The following MYO1E variants were observed in gnomAD, a reference collection of about 807,000 sequenced individuals.
MYO1E encodes the protein unconventional myosin-Ie.
In MYO1E, 68 loss-of-function variants were observed where a neutral mutation model predicts 151.1. The observed-to-expected ratio is 0.45, with a 90% confidence interval of 0.37 to 0.55. The LOEUF (loss-of-function observed/expected upper bound fraction) is 0.55. Ranked by LOEUF, MYO1E falls within the 20% of genes least tolerant of loss-of-function variation. The pLI is 0.00. For synonymous variants in MYO1E, 601 were observed against 501.7 expected, an observed-to-expected ratio of 1.20 and a Z score of -2.64; for missense variants, 1,363 against 1,389.3, an observed-to-expected ratio of 0.98 and a Z score of 0.30.
At chr15:59,310,999 T>G (rs1194654440) in intron 1 of MYO1E, among the ~76,000 whole-genome samples, 1 of 152,048 alleles carries the variant, frequency 6.6e-6, no homozygotes, top group Non-Finnish European at 1.5e-5. Flanking sequence ...GTACTCATGA[T>G]CATCTTCCCC....
chr15:59,252,926 G>A (rs1566992673), intron 4 of MYO1E, among the ~76,000 whole-genome samples: 1 of 152,098 alleles, frequency 6.6e-6, no homozygotes. Context: ...AAGAACCAAG[G>A]CCCCTGAAGA....
rs145345597 is a variant in MYO1E, at chr15:59,137,438, G to A, written c.3269C>T (p.Thr1090Met). The change falls in exon 28 of 28, where the codon ACG (threonine) becomes ATG (methionine). Residue 1090 changes from threonine to methionine, a missense_variant. Physicochemically the swap from Thr to Met is moderately conservative, Grantham distance 81. Transcript: ENST00000288235. The part of the protein sequence containing the change: ...IIKEDPSGWW[T>M]GRLRGKQGLF... ...GCCCTGCTTGCCTCGTAGTCGACCCGTCCACCAGCCAGAAGGATCTGCAGG... is the reference window on the plus strand; with the variant it reads ...GCCCTGCTTGCCTCGTAGTCGACCCATCCACCAGCCAGAAGGATCTGCAGG... 23 of 1,613,968 alleles carry A rather than the reference G, an allele frequency of 1.4e-5. No individual in the cohort carries two copies. Among genetic ancestry groups the A allele is most frequent in the African/African-American group, 9.3e-5 (7 of 74,896 alleles).
At chr15:59,184,276 G>A (rs533595239) in intron 18 of MYO1E, among the ~76,000 whole-genome samples, 31 of 152,180 alleles carry the variant, frequency 2.0e-4, no homozygotes, top group Admixed American at 1.8e-3. Flanking sequence ...CAAAGTGCTG[G>A]GATAACAGGT....
At chr15:59,147,010 A>T (rs1267254576) in intron 26 of MYO1E, among the ~76,000 whole-genome samples, 1 of 152,174 alleles carries the variant, frequency 6.6e-6, no homozygotes, top group African/African-American at 2.4e-5. Flanking sequence ...TGAATTAAGT[A>T]CACTACATCC....
chr15:59,246,982 T>C (rs2140364408), intron 4 of MYO1E, among the ~76,000 whole-genome samples: 1 of 152,272 alleles, frequency 6.6e-6, no homozygotes, highest in East Asian at 1.9e-4. Context: ...GGGTTAGTTT[T>C]AAAAAGCACC....
At chr15:59,290,247 G>A (rs555233042) in intron 1 of MYO1E, among the ~76,000 whole-genome samples, 6 of 152,054 alleles carry the variant, frequency 3.9e-5, no homozygotes, top group East Asian at 3.9e-4. Context: ...TTCCCCACTC[G>A]GTGAAAATAT....
rs1196790419 is a variant in MYO1E, at chr15:59,159,785, T to C, written c.2785+1288A>G. Reference sequence around the variant, plus strand: ...TATGATGGCATTTGCTGGTATTGTATTAATATGTTAGAGAACATGTTAAGG... The same window carrying C: ...TATGATGGCATTTGCTGGTATTGTACTAATATGTTAGAGAACATGTTAAGG... On this transcript the variant is annotated intron_variant, in intron 24 of 27. Transcript: ENST00000288235. The surrounding 1 kb of genome is among the most constrained non-coding windows in gnomAD (Gnocchi z 4.4). Among the ~76,000 whole-genome samples the C allele has an allele frequency of 6.6e-6, 1 of 152,248 alleles. No individual in the cohort carries two copies. The highest frequency in any genetic ancestry group is 1.5e-5 in the Non-Finnish European group (1 of 68,042).
chr15:59,251,877 G>A (rs752614206), intron 4 of MYO1E, among the ~76,000 whole-genome samples: 7 of 152,216 alleles, frequency 4.6e-5, no homozygotes, highest in Non-Finnish European at 7.3e-5. Flanking sequence ...ATGAAACCCA[G>A]TATTTTGACT....
At position 59,240,739 on chromosome 15, in the gene MYO1E, T is replaced by C. The variant is rs76928341; in HGVS notation, c.333-4067A>G. ...TGGCTCTGTACCACAGGAACTGGTG[T>C]TCCCTTGTAACTGGCTGAATCAACG... is the stretch of plus-strand genomic sequence containing the variant. On this transcript the variant is annotated intron_variant, in intron 4 of 27. Transcript: ENST00000288235. 6.5e-3 allele frequency among the ~76,000 whole-genome samples: 988 copies of C among 152,336 alleles called. 13 individuals are homozygous for C. The highest frequency in any genetic ancestry group is 0.022 in the African/African-American group (916 of 41,572).
rs2079372490 is a variant in MYO1E at position 59,136,316 on chromosome 15, T to C, written c.*1064A>G. 6.1e-6 allele frequency: 1 copy of C among 162,602 alleles called. No individual in the cohort carries two copies. Among genetic ancestry groups the C allele is most frequent in the African/African-American group, 2.4e-5 (1 of 41,776 alleles). 10.1% of individuals were successfully genotyped at this position (162,602 alleles called of 1,614,324 possible). On this transcript the variant is annotated 3_prime_UTR_variant, in exon 28 of 28. Transcript: ENST00000288235. Reference sequence around the variant, plus strand: ...GGTGGCTGGGACTCCAACATCTTCTTTGGAGGCACACAATTCAACCCATAA... The same window carrying C: ...GGTGGCTGGGACTCCAACATCTTCTCTGGAGGCACACAATTCAACCCATAA...
intron 4 of MYO1E, among the ~76,000 whole-genome samples, chr15:59,249,116 T>C (rs2080148461): frequency 6.6e-6 from 1 of 152,012 alleles, no homozygotes; most frequent in Non-Finnish European, 1.5e-5. Flanking sequence ...CCTTCCTTGA[T>C]TTATTTCTTT....
chr15:59,315,434 C>T (rs562557657), intron 1 of MYO1E, among the ~76,000 whole-genome samples: 1 of 151,984 alleles, frequency 6.6e-6, no homozygotes, highest in South Asian at 2.1e-4. Context: ...ATAGCTAATG[C>T]ATGCTGGGCT....
chr15:59,216,590 G>A (rs868450590), intron 10 of MYO1E, among the ~76,000 whole-genome samples: 11 of 61,252 alleles, frequency 1.8e-4, no homozygotes, highest in African/African-American at 6.0e-4. Context: ...GTGTGTGTGT[G>A]TGTGTATCTA....
At position 59,187,591 on chromosome 15, in the gene MYO1E, C is replaced by T. The variant is rs1214161463; in HGVS notation, c.1904+527G>A. Among the ~76,000 whole-genome samples the T allele has an allele frequency of 2.0e-5, 3 of 152,096 alleles. 1 individual carries two copies. Among genetic ancestry groups the T allele is most frequent in the East Asian group, 3.9e-4 (2 of 5,192 alleles). On this transcript the variant is annotated intron_variant, in intron 18 of 27. Transcript: ENST00000288235. ...GCAATTGCACTTTGAAGCATATACC[C>T]GAAAGAAATGAAATATGACCACATA...
Position 59,351,218 on chromosome 15 carries a change from T to G in MYO1E, c.3+21280A>C, listed in dbSNP as rs1335483017. Among the ~76,000 whole-genome samples, 3 of 152,074 alleles carry G rather than the reference T, an allele frequency of 2.0e-5. No individual in the cohort carries two copies. The East Asian group carries it at 5.8e-4, about 29-fold the overall frequency. ...CCGGCCTTACTTGGTTTTTTAAGGA[T>G]TCAGATGAACAGGAAAAAAGGGAAG... On this transcript the variant is annotated intron_variant, in intron 1 of 27. Coordinates refer to ENST00000288235, the MANE Select transcript of MYO1E (RefSeq NM_004998.4).
chr15:59,202,279 G>C, intron 16 of MYO1E, 47 bp downstream of exon 16: 1 of 1,540,412 alleles, frequency 6.5e-7, no homozygotes, highest in Non-Finnish European at 9.0e-7. Flanking sequence ...CTCCTAGAAA[G>C]CGCTAGCCCT....
intron 9 of MYO1E, among the ~76,000 whole-genome samples, chr15:59,218,518 A>C (rs1387576459): frequency 6.6e-6 from 1 of 152,236 alleles, no homozygotes; most frequent in East Asian, 1.9e-4. Context: ...TTTTCATAGC[A>C]TCATTTTTGA....
chr15:59,174,198 A>G lies in MYO1E; in HGVS notation c.2092T>C (p.Tyr698His), dbSNP rs2079611423. The G allele has an allele frequency of 7.4e-6, 12 of 1,614,016 alleles. No homozygotes were observed. Among genetic ancestry groups the G allele is most frequent in the Non-Finnish European group, 9.3e-6 (11 of 1,179,950 alleles). The change falls in exon 20 of 28, where the codon TAT becomes CAT. Residue 698 changes from tyrosine (Y) to histidine (H), a missense_variant. Physicochemically the swap from Tyr to His is moderately conservative, Grantham distance 83. Coordinates refer to ENST00000288235, the MANE Select transcript of MYO1E (RefSeq NM_004998.4). ...CATGATTTCTGTATCACTCGAGCAT[A>G]CCCATCATACTTTCTCTCTCTCATC... Reference protein sequence around the residue: ...EEMRERKYDGYARVIQKSWRK... With the variant: ...EEMRERKYDGHARVIQKSWRK...
chr15:59,136,707 C>A lies in MYO1E; in HGVS notation c.*673G>T. ...CATTTAAACACAAACCAATATGGGC[C>A]AGCCACATTCTAATTGAAGACCCAG... On this transcript the variant is annotated 3_prime_UTR_variant, in exon 28 of 28. Transcript: ENST00000288235. 1 of 456,478 alleles carries A rather than the reference C, an allele frequency of 2.2e-6. No homozygotes were observed. Among genetic ancestry groups the A allele is most frequent in the Non-Finnish European group, 4.4e-6 (1 of 226,832 alleles). 28.3% of individuals were successfully genotyped at this position (456,478 alleles called of 1,614,324 possible). A position where few individuals can be genotyped will look rare whatever the true frequency, so the allele number is the denominator to read the frequency against.
Sources: gnomAD v4.1 joint callset for allele counts (sites outside exome capture counted in the v4.1 genomes callset) on GRCh38, gnomAD v4.1.1 for gene constraint, Gnocchi (gnomAD v3.1) non-coding constraint, MANE v1.5 for transcripts, NCBI Gene and HGNC (gene_info 2026-07-23, HGNC 2026-07-21) for gene names.